The following CTNNBL1 variants were observed in gnomAD, a reference collection of about 807,000 sequenced individuals.
CTNNBL1 encodes catenin beta like 1.
A neutral mutation model predicts 72.7 loss-of-function variants in CTNNBL1; 31 were observed. The observed-to-expected ratio is 0.43, with a 90% CI of 0.32 to 0.58. The LOEUF (loss-of-function observed/expected upper bound fraction) is 0.58. Ranked by LOEUF, CTNNBL1 falls within the 20% of genes least tolerant of loss-of-function variation. The pLI is 0.08. For missense variants in CTNNBL1, 534 were observed against 725.1 expected, an observed-to-expected ratio of 0.74 and a Z score of 3.03; for synonymous variants, 240 against 267.3, an observed-to-expected ratio of 0.90 and a Z score of 1.00.
intron 10 of CTNNBL1, among the ~76,000 whole-genome samples, chr20:37,796,588 G>A (rs2073776638): frequency 6.6e-6 from 1 of 152,008 alleles, no homozygotes. Context: ...CTGGTGGGTA[G>A]TAATGCAATT....
At chr20:37,782,418 A>G (rs778630336) in intron 10 of CTNNBL1, among the ~76,000 whole-genome samples, 8 of 152,154 alleles carry the variant, frequency 5.3e-5, no homozygotes, top group Non-Finnish European at 7.4e-5. Flanking sequence ...CCAATTTAAT[A>G]TTTTTGTCTA....
intron 5 of CTNNBL1, among the ~76,000 whole-genome samples, chr20:37,759,456 G>C (rs927983826): frequency 7.9e-5 from 12 of 152,094 alleles, no homozygotes; most frequent in Non-Finnish European, 1.0e-4. Flanking sequence ...CCCAGAAACA[G>C]CAATTCACTC....
chr20:37,799,669 A>G (rs1600495454), intron 10 of CTNNBL1, among the ~76,000 whole-genome samples: 1 of 152,354 alleles, frequency 6.6e-6, no homozygotes. Context: ...TTGCTTAAAG[A>G]CAAGGACCTT....
chr20:37,833,556 G>A (rs1316580756), intron 11 of CTNNBL1, among the ~76,000 whole-genome samples: 1 of 152,142 alleles, frequency 6.6e-6, no homozygotes, highest in Non-Finnish European at 1.5e-5. Context: ...CCTTGGTGGA[G>A]CCTTGTTGCT....
intron 1 of CTNNBL1, chr20:37,727,273 C>T (rs1188772146): frequency 1.3e-5 from 11 of 878,916 alleles, no homozygotes; most frequent in South Asian, 5.2e-5. Flanking sequence ...TCAAAGCTTT[C>T]ATGAAGATGT....
intron 1 of CTNNBL1, among the ~76,000 whole-genome samples, chr20:37,714,368 T>C (rs144087515): frequency 1.3e-5 from 2 of 152,348 alleles, no homozygotes; most frequent in East Asian, 3.9e-4. Flanking sequence ...TCTAGGTATC[T>C]TTTTATATTG....
chr20:37,847,700 G>A lies in CTNNBL1; in HGVS notation c.1392+5281G>A, dbSNP rs187532064. Reference sequence around the variant, plus strand: ...AGCAGGAATTTTTCTAAAAGAGGGAGGAGAGCCTTGGAGAGAGGTTTTCTC... The same window carrying A: ...AGCAGGAATTTTTCTAAAAGAGGGAAGAGAGCCTTGGAGAGAGGTTTTCTC... On this transcript the variant is annotated intron_variant, in intron 13 of 15. Transcript: ENST00000361383. Among the ~76,000 whole-genome samples the A allele has an allele frequency of 3.1e-3, 479 of 152,292 alleles. 2 individuals are homozygous for A. The highest frequency in any genetic ancestry group is 5.8e-3 in the Non-Finnish European group (396 of 68,036).
At chr20:37,773,821 T>C (rs906884906) in intron 7 of CTNNBL1, among the ~76,000 whole-genome samples, 4 of 152,138 alleles carry the variant, frequency 2.6e-5, no homozygotes, top group African/African-American at 9.7e-5. Flanking sequence ...ATGAGTTTCA[T>C]GTATTGACTG....
chr20:37,792,857 A>G (rs546918524), intron 10 of CTNNBL1, among the ~76,000 whole-genome samples: 30 of 152,302 alleles, frequency 2.0e-4, no homozygotes, highest in African/African-American at 6.7e-4. Context: ...TCTTTATTCA[A>G]TTCAAAATAT....
chr20:37,703,914 A>C (rs1271313770), intron 1 of CTNNBL1, among the ~76,000 whole-genome samples: 1 of 151,270 alleles, frequency 6.6e-6, no homozygotes, highest in Non-Finnish European at 1.5e-5. Context: ...AGTCGCCGGG[A>C]TTACAGGCAT....
chr20:37,758,446 G>A (rs2073384623), intron 5 of CTNNBL1, among the ~76,000 whole-genome samples: 1 of 152,248 alleles, frequency 6.6e-6, no homozygotes, highest in Non-Finnish European at 1.5e-5. Flanking sequence ...CTGCAGAAGT[G>A]AAGCCTCCCG....
chr20:37,852,068 A>T (rs1348197016), intron 13 of CTNNBL1, among the ~76,000 whole-genome samples: 1 of 152,256 alleles, frequency 6.6e-6, no homozygotes, highest in East Asian at 1.9e-4. Flanking sequence ...AAAATGCTGC[A>T]TGAATGCTGA....
At chr20:37,761,215 G>A (rs1187341262) in intron 5 of CTNNBL1, among the ~76,000 whole-genome samples, 1 of 152,218 alleles carries the variant, frequency 6.6e-6, no homozygotes, top group Non-Finnish European at 1.5e-5. Context: ...AGTGTGGCTG[G>A]GTGGTGTAGC....
chr20:37,866,290 C>T (rs552134938), intron 15 of CTNNBL1, among the ~76,000 whole-genome samples: 1 of 152,312 alleles, frequency 6.6e-6, no homozygotes, highest in Admixed American at 6.5e-5. Flanking sequence ...AAGCGCTGCC[C>T]GGGGTAGTGT....
chr20:37,702,332 G>C (rs1163672694), intron 1 of CTNNBL1, among the ~76,000 whole-genome samples: 2 of 152,152 alleles, frequency 1.3e-5, no homozygotes, highest in Admixed American at 6.5e-5. Context: ...TGCCTCATAA[G>C]GTAGTCATTG....
intron 1 of CTNNBL1, among the ~76,000 whole-genome samples, chr20:37,719,247 A>C (rs1278354638): frequency 6.6e-6 from 1 of 152,210 alleles, no homozygotes; most frequent in Non-Finnish European, 1.5e-5. Flanking sequence ...CTAATGGCCC[A>C]AGGAACTTGG....
intron 11 of CTNNBL1, among the ~76,000 whole-genome samples, chr20:37,824,611 T>G (rs1445280643): frequency 1.3e-5 from 2 of 152,126 alleles, no homozygotes; most frequent in Non-Finnish European, 2.9e-5. Context: ...CACATAAAGG[T>G]TTATTTCTCT....
intron 4 of CTNNBL1, chr20:37,756,259 G>A (rs2073362107): frequency 6.6e-6 from 1 of 152,190 alleles, no homozygotes; most frequent in African/African-American, 2.4e-5. Context: ...TTTTAAAATT[G>A]TTTTAGATTA....
At chr20:37,773,178 A>G (rs2073540882) in intron 7 of CTNNBL1, among the ~76,000 whole-genome samples, 1 of 152,206 alleles carries the variant, frequency 6.6e-6, no homozygotes. Context: ...CAACTGGTTG[A>G]TGCTAAAGTT....
Sources: gnomAD v4.1 joint callset for allele counts (sites outside exome capture counted in the v4.1 genomes callset) on GRCh38, gnomAD v4.1.1 for gene constraint, MANE v1.5 for transcripts, NCBI Gene and HGNC (gene_info 2026-07-23, HGNC 2026-07-21) for gene names.